AGTPBP1: variants seen among roughly 807,000 people sequenced by gnomAD.
AGTPBP1 encodes the protein cytosolic carboxypeptidase 1.
In AGTPBP1, 70 loss-of-function variants were observed where a neutral mutation model predicts 143.9. That is an observed-to-expected ratio of 0.49 (90% confidence interval 0.40 to 0.59). The LOEUF (loss-of-function observed/expected upper bound fraction) is 0.59, where lower values mean the gene tolerates loss of function less well. Ranked by LOEUF, AGTPBP1 falls within the 20% of genes least tolerant of loss-of-function variation. The probability of loss-of-function intolerance (pLI) is 0.00; values close to 1 mark genes in which losing one functional copy is unlikely to be tolerated. For synonymous variants in AGTPBP1, 463 were observed against 500.2 expected (o/e 0.93, Z 0.99); for missense variants, 1,229 against 1,464.5 (o/e 0.84, Z 2.62).
chr9:85,592,648 T>C lies in AGTPBP1; in HGVS notation c.2480A>G (p.Tyr827Cys), dbSNP rs780666303. ...AAGGQKGKSYYTITFTVNFPH... is the reference protein window; with the variant it reads ...AAGGQKGKSYCTITFTVNFPH... ...AAAATTGACAGTAAATGTAATTGTA[T>C]AGTAGGATTTTCCCTTTTGCCCACC... Residue 827 changes from tyrosine (Y) to cysteine (C), a missense_variant, in exon 19 of 26, where the codon TAT becomes TGT. By Grantham distance (194) the Tyr-to-Cys change is radical. Around this residue, in one of 2 missense-constraint regions of AGTPBP1, gnomAD observed 486 missense variants for 652.3 expected, o/e 0.75. Transcript: ENST00000357081. 4 of 1,611,886 alleles carry C rather than the reference T, an allele frequency of 2.5e-6. No individual in the cohort carries two copies. Among genetic ancestry groups the C allele is most frequent in the Admixed American group, 1.7e-5 (1 of 59,656 alleles).
chr9:85,720,302 TA>T (rs1226339228), intron 1 of AGTPBP1, among the ~76,000 whole-genome samples: 3 of 152,194 alleles, frequency 2.0e-5, no homozygotes, highest in African/African-American at 7.2e-5. Flanking sequence ...GGATTTTTTT[TA>T]GTTGGTAGGC....
At chr9:85,706,601 T>G (rs1312749335) in intron 2 of AGTPBP1, among the ~76,000 whole-genome samples, 1 of 152,032 alleles carries the variant, frequency 6.6e-6, no homozygotes, top group Non-Finnish European at 1.5e-5. Flanking sequence ...CCAGGCACAG[T>G]GGCTCACGCC....
the AGTPBP1 span, among the ~76,000 whole-genome samples, chr9:85,762,519 G>A: frequency 6.6e-6 from 1 of 151,210 alleles, no homozygotes; most frequent in Admixed American, 6.6e-5. Flanking sequence ...AGTATTGCAA[G>A]GACAAAAATC....
At chr9:85,745,832 G>A (rs2134913986), upstream of AGTPBP1, among the ~76,000 whole-genome samples, 1 of 152,316 alleles carries the variant, frequency 6.6e-6, no homozygotes, top group Non-Finnish European at 1.5e-5. Flanking sequence ...TGAGAGTATG[G>A]CAGCCTTTGG....
intron 13 of AGTPBP1, among the ~76,000 whole-genome samples, chr9:85,633,711 T>C (rs757901517): frequency 1.4e-4 from 22 of 152,190 alleles, no homozygotes; most frequent in Non-Finnish European, 2.5e-4. Context: ...GCAATATTTA[T>C]GAAGTGTCTA....
At chr9:85,691,821 GGT>G (rs1835896831) in intron 3 of AGTPBP1, among the ~76,000 whole-genome samples, 1 of 151,832 alleles carries the variant, frequency 6.6e-6, no homozygotes, top group Non-Finnish European at 1.5e-5. Context: ...ACTCTATCGG[GGT>G]TTTGATATCA....
intron 14 of AGTPBP1, among the ~76,000 whole-genome samples, chr9:85,625,910 T>TTG (rs1554708791): frequency 7.3e-5 from 8 of 109,674 alleles, no homozygotes; most frequent in South Asian, 3.4e-4. Context: ...TTTTGTTTTT[T>TTG]TTTTTTTTTT....
intron 23 of AGTPBP1, among the ~76,000 whole-genome samples, chr9:85,579,497 C>G (rs1828105893): frequency 6.6e-6 from 1 of 151,638 alleles, no homozygotes; most frequent in East Asian, 1.9e-4. Context: ...CAATCACAAT[C>G]AAAACTACCC....
chr9:85,728,030 T>TATACACAC (rs71505763), intron 1 of AGTPBP1, among the ~76,000 whole-genome samples: 47 of 128,434 alleles, frequency 3.7e-4, no homozygotes, highest in African/African-American at 1.3e-3. Context: ...TATATTTATA[T>TATACACAC]ACACACACAC....
At chr9:85,728,947 T>A (rs933836438) in intron 1 of AGTPBP1, among the ~76,000 whole-genome samples, 1 of 152,206 alleles carries the variant, frequency 6.6e-6, no homozygotes, top group African/African-American at 2.4e-5. Flanking sequence ...GCCATCACTT[T>A]TAATGTTAAT....
intron 7 of AGTPBP1, among the ~76,000 whole-genome samples, chr9:85,670,534 G>C (rs1834417417): frequency 6.6e-6 from 1 of 152,078 alleles, no homozygotes; most frequent in African/African-American, 2.4e-5. Context: ...CCAGAAAACT[G>C]TGCTAAACAT....
chr9:85,743,734 C>A (rs1340332647), upstream of AGTPBP1, among the ~76,000 whole-genome samples: 1 of 152,166 alleles, frequency 6.6e-6, no homozygotes, highest in African/African-American at 2.4e-5. Context: ...CAGGCTGCAA[C>A]AGGGCCACAC....
the AGTPBP1 span, chr9:85,770,394 C>T: frequency 2.6e-5 from 41 of 1,603,682 alleles, no homozygotes; most frequent in Non-Finnish European, 3.3e-5. Flanking sequence ...GAGCATCATT[C>T]CATAACCTCT....
At chr9:85,615,134 A>T (rs1177247104) in intron 17 of AGTPBP1, among the ~76,000 whole-genome samples, 1 of 152,164 alleles carries the variant, frequency 6.6e-6, no homozygotes, top group African/African-American at 2.4e-5. Flanking sequence ...ATTAAGTTAA[A>T]TCCCAATTCA....
At chr9:85,609,071 C>T (rs1291974324) in intron 17 of AGTPBP1, among the ~76,000 whole-genome samples, 7 of 151,926 alleles carry the variant, frequency 4.6e-5, no homozygotes, top group African/African-American at 7.3e-5. Flanking sequence ...GTTATTTGCT[C>T]GAAAGTTAAG....
chr9:85,638,941 T>C (rs557530073), intron 13 of AGTPBP1, among the ~76,000 whole-genome samples: 3 of 152,210 alleles, frequency 2.0e-5, no homozygotes, highest in African/African-American at 7.2e-5. Flanking sequence ...AGAACTTAAC[T>C]TCTCAACACA....
chr9:85,782,994 C>T, the AGTPBP1 span, among the ~76,000 whole-genome samples: 1 of 152,016 alleles, frequency 6.6e-6, no homozygotes, highest in East Asian at 1.9e-4. Context: ...AGTCTACTGT[C>T]AAATTTGAGG....
the AGTPBP1 span, chr9:85,786,519 T>C: frequency 2.6e-5 from 42 of 1,613,748 alleles, no homozygotes; most frequent in Non-Finnish European, 3.5e-5. Context: ...GGAGTTGGCA[T>C]TGGATCAATG....
At chr9:85,716,769 A>C (rs889784474) in intron 1 of AGTPBP1, among the ~76,000 whole-genome samples, 4 of 152,202 alleles carry the variant, frequency 2.6e-5, no homozygotes, top group Middle Eastern at 3.2e-3. Context: ...AGAAGAAGGA[A>C]AAAACACCTT....
Sources: gnomAD v4.1 joint callset for allele counts (sites outside exome capture counted in the v4.1 genomes callset) on GRCh38, gnomAD v4.1.1 for gene constraint, gnomAD v4.1.1 regional missense constraint, MANE v1.5 for transcripts, NCBI Gene and HGNC (gene_info 2026-07-23, HGNC 2026-07-21) for gene names.